The following MID1 variants were observed in gnomAD, a reference collection of about 807,000 sequenced individuals.
The protein encoded by MID1 is E3 ubiquitin-protein ligase Midline-1.
A neutral mutation model predicts 40.4 loss-of-function variants in MID1; 7 were observed. That is an observed-to-expected ratio of 0.17 (90% CI 0.10 to 0.33). MID1 has a LOEUF of 0.33. MID1 is among the 10% of genes least tolerant of loss of function. MID1 has a pLI of 1.00. For synonymous variants in MID1, 229 were observed against 221.2 expected (o/e 1.04, Z -0.31); for missense variants, 367 against 558.5 (o/e 0.66, Z 3.46).
intron 1 of MID1, among the ~76,000 whole-genome samples, chrX:10,680,017 C>A (rs890816594): frequency 8.9e-6 from 1 of 112,274 alleles, no homozygotes; most frequent in Non-Finnish European, 1.9e-5. Flanking sequence ...AAAAACTTTG[C>A]AGCACTTAAT....
intron 1 of MID1, among the ~76,000 whole-genome samples, chrX:10,751,093 C>T (rs746429450): frequency 1.8e-5 from 2 of 109,500 alleles, no homozygotes; most frequent in African/African-American, 6.7e-5. Context: ...GGCAAAACCC[C>T]GTCTCTACCA....
At chrX:10,469,975 A>G (rs1929608398) in intron 6 of MID1, 135 bp from the exon 7 acceptor site, 2 of 549,351 alleles carry the variant, frequency 3.6e-6, no homozygotes, top group Non-Finnish European at 5.9e-6. Flanking sequence ...TGGTGACCCC[A>G]ATCTAAAGAA....
intron 3 of MID1, among the ~76,000 whole-genome samples, chrX:10,502,559 C>T (rs984155646): frequency 6.3e-5 from 7 of 111,531 alleles, no homozygotes; most frequent in Admixed American, 9.5e-5. Context: ...TCTCTCACCC[C>T]GGCCCACCAT....
intron 4 of MID1, among the ~76,000 whole-genome samples, chrX:10,487,528 T>C (rs1485133951): frequency 1.8e-5 from 2 of 111,417 alleles, no homozygotes; most frequent in East Asian, 2.8e-4. Flanking sequence ...AAGTGCAAAT[T>C]TGACACTTTT....
intron 6 of MID1, among the ~76,000 whole-genome samples, chrX:10,472,002 T>C (rs1225779036): frequency 8.9e-6 from 1 of 112,238 alleles, no homozygotes; most frequent in East Asian, 2.8e-4. Context: ...ATTTTGACTG[T>C]AAACCCAATG....
At chrX:10,502,288 A>C (rs187074276) in intron 3 of MID1, among the ~76,000 whole-genome samples, 2 of 112,634 alleles carry the variant, frequency 1.8e-5, no homozygotes, top group Non-Finnish European at 3.8e-5. Flanking sequence ...TGCTTTATTG[A>C]AATAAGTTAG....
intron 1 of MID1, among the ~76,000 whole-genome samples, chrX:10,595,870 A>AC (rs750120572): frequency 5.0e-4 from 56 of 112,132 alleles, no homozygotes; most frequent in African/African-American, 1.7e-3. Context: ...TGTGGTAATT[A>AC]CCCCAATCTG....
At chrX:10,506,364 T>A in intron 3 of MID1, 1 of 1,117,438 alleles carries the variant, frequency 8.9e-7, no homozygotes, top group Non-Finnish European at 1.2e-6. Flanking sequence ...ACACCAGTAC[T>A]GGGTAGGAAG....
intron 9 of MID1, among the ~76,000 whole-genome samples, chrX:10,451,623 C>G (rs1928344855): frequency 1.8e-5 from 2 of 111,584 alleles, no homozygotes; most frequent in South Asian, 3.8e-4. Flanking sequence ...GTGGGAGGGA[C>G]CCGGTGGAAG....
chrX:10,552,716 G>A (rs188809794), intron 2 of MID1, among the ~76,000 whole-genome samples: 19 of 110,624 alleles, frequency 1.7e-4, no homozygotes, highest in Admixed American at 1.1e-3. Flanking sequence ...TTAGAATAAC[G>A]GGGTAAAGAT....
intron 3 of MID1, chrX:10,501,569 G>A (rs1931545267): frequency 8.8e-7 from 1 of 1,136,933 alleles, no homozygotes; most frequent in Non-Finnish European, 1.2e-6. Context: ...TCTGATGAAA[G>A]AGATATTACA....
intron 2 of MID1, among the ~76,000 whole-genome samples, chrX:10,551,060 T>C (rs866864811): frequency 1.5e-3 from 171 of 111,957 alleles, no homozygotes; most frequent in African/African-American, 5.3e-3. Context: ...TAAAATGGCA[T>C]AGTATTTGCA....
intron 7 of MID1, among the ~76,000 whole-genome samples, chrX:10,465,109 TG>T (rs1315822785): frequency 2.9e-5 from 3 of 104,416 alleles, no homozygotes; most frequent in African/African-American, 1.0e-4. Context: ...ATTTGAACTC[TG>T]GGGGTGGAGG....
At chrX:10,499,640 C>T (rs755252774) in intron 3 of MID1, among the ~76,000 whole-genome samples, 42 of 111,822 alleles carry the variant, frequency 3.8e-4, no homozygotes, top group South Asian at 1.1e-3. Context: ...AGGCTTCTAA[C>T]TTTATATGGA....
chrX:10,740,050 G>A (rs1166639287), intron 1 of MID1, among the ~76,000 whole-genome samples: 2 of 112,814 alleles, frequency 1.8e-5, no homozygotes, highest in African/African-American at 6.4e-5. Flanking sequence ...TTATACAACT[G>A]CTTATATATG....
At chrX:10,597,295 T>C (rs1010398296) in intron 1 of MID1, among the ~76,000 whole-genome samples, 3 of 111,758 alleles carry the variant, frequency 2.7e-5, no homozygotes, top group Non-Finnish European at 5.6e-5. Context: ...CAAGTTGTTA[T>C]TTTAAATATA....
chrX:10,504,441 T>C (rs1204996344), intron 3 of MID1, among the ~76,000 whole-genome samples: 1 of 111,464 alleles, frequency 9.0e-6, no homozygotes, highest in African/African-American at 3.3e-5. Context: ...TAATAATTAC[T>C]ACATAAATGT....
intron 1 of MID1, among the ~76,000 whole-genome samples, chrX:10,753,911 C>T (rs1395303429): frequency 1.8e-5 from 2 of 111,898 alleles, no homozygotes; most frequent in Non-Finnish European, 3.8e-5. Flanking sequence ...TTTGACTAAG[C>T]GAAGCCCTTT....
chrX:10,648,963 T>C (rs1051278838), intron 1 of MID1, among the ~76,000 whole-genome samples: 1 of 112,227 alleles, frequency 8.9e-6, no homozygotes, highest in Non-Finnish European at 1.9e-5. Flanking sequence ...GTAGTTTTAT[T>C]TTATTAAAAT....
Sources: allele counts gnomAD v4.1 joint callset (sites outside exome capture counted in the v4.1 genomes callset), GRCh38; gene constraint gnomAD v4.1.1; transcripts MANE v1.5; gene names NCBI Gene and HGNC (gene_info 2026-07-23, HGNC 2026-07-21).